Variants in KIF1A observed in about 807,000 individuals in gnomAD.
KIF1A encodes kinesin family member 1A.
In KIF1A, 46 loss-of-function variants were observed where a neutral mutation model predicts 227.3. The observed-to-expected ratio is 0.20, with a 90% CI of 0.16 to 0.26. The LOEUF (loss-of-function observed/expected upper bound fraction) is 0.26. Among genes scored for constraint, KIF1A ranks in the 10% least tolerant of loss-of-function variants. The pLI is 1.00. For synonymous variants in KIF1A, 1,022 were observed against 1,012.8 expected, an observed-to-expected ratio of 1.01 and a Z score of -0.17; for missense variants, 1,683 against 2,485.9, an observed-to-expected ratio of 0.68 and a Z score of 6.87.
rs60462300 is a variant in KIF1A at position 240,778,511 on chromosome 2, T to TACACACACACACACAC, written c.883-2601_883-2586dup. Among the ~76,000 whole-genome samples, 6,386 of 134,030 alleles carry TACACACACACACACAC rather than the reference T, an allele frequency of 0.048. 214 individuals carry two copies. The highest frequency in any genetic ancestry group is 0.084 in the Middle Eastern group (22 of 262). The allele number at this position is 134,030 out of a possible 152,430, so 87.9% of individuals were successfully genotyped here. A position where few individuals can be genotyped will look rare whatever the true frequency, so the allele number is the denominator to read the frequency against. On this transcript the variant is annotated intron_variant, in intron 10 of 48. Coordinates refer to ENST00000498729, the MANE Select transcript of KIF1A (RefSeq NM_001244008.2). This position sits in a 1 kb window ranked among gnomAD's most constrained non-coding sequence, Gnocchi z 7.2. ...GGCGCTCGCAGCTCCCGCACAGCGT[T>TACACACACACACACAC]ACACACACACACACACACACACACA...
In KIF1A at chr2:240,773,243, C is replaced by T; in HGVS notation, c.1051G>A (p.Ala351Thr). 6.2e-7 allele frequency: 1 copy of T among 1,613,912 alleles called. No homozygotes were observed. Among genetic ancestry groups the T allele is most frequent in the Non-Finnish European group, 8.5e-7 (1 of 1,179,830 alleles). The change falls in exon 13 of 49, where the codon GCC (alanine) becomes ACC (threonine). Residue 351 changes from alanine to threonine, a missense_variant. Coordinates refer to ENST00000498729, the MANE Select transcript of KIF1A (RefSeq NM_001244008.2). ...ACAGCATTGCAGCGGATCTGCTTGG[C>T]CCGGTCAGCATACCTGGGTGGCAGA... ...TLSTLRYADR[A>T]KQIRCNAVIN...
intron 1 of KIF1A, among the ~76,000 whole-genome samples, chr2:240,812,438 C>T (rs570646372): frequency 7.2e-5 from 11 of 152,348 alleles, no homozygotes; most frequent in East Asian, 3.9e-4. Flanking sequence ...GGAGCCCAGA[C>T]GCCCTTCACC....
intron 5 of KIF1A, 35 bp from the exon 6 acceptor site, chr2:240,786,548 A>G: frequency 6.3e-7 from 1 of 1,598,506 alleles, no homozygotes; most frequent in South Asian, 1.1e-5. Flanking sequence ...GGGGCCCCTG[A>G]GGCGAGGGAG....
In KIF1A at chr2:240,766,749, T is replaced by TCTCACACACACACACACACACACACACA. The variant is rs1454271542; in HGVS notation, c.1684+165_1684+166insTGTGTGTGTGTGTGTGTGTGTGTGTGAG. ...CTCTCTCTCTCTCTCTCTCTCTCTCTCACACACACACACACACACACACAC... is the reference window on the plus strand; with the variant it reads ...CTCTCTCTCTCTCTCTCTCTCTCTCTCTCACACACACACACACACACACACACACACACACACACACACACACACACAC... On this transcript the variant is annotated intron_variant, in intron 19 of 48. Coordinates refer to ENST00000498729, the MANE Select transcript of KIF1A (RefSeq NM_001244008.2). This position sits in a 1 kb window ranked among gnomAD's most constrained non-coding sequence, Gnocchi z 5.0. 5.5e-5 allele frequency among the ~76,000 whole-genome samples: 6 copies of TCTCACACACACACACACACACACACACA among 109,022 alleles called. No homozygotes were observed. Among genetic ancestry groups the TCTCACACACACACACACACACACACACA allele is most frequent in the African/African-American group, 2.5e-4 (6 of 24,164 alleles). 71.5% of individuals were successfully genotyped at this position (109,022 alleles called of 152,430 possible). A position where few individuals can be genotyped will look rare whatever the true frequency, so the allele number is the denominator to read the frequency against.
Position 240,788,084 on chromosome 2 carries a change from C to T in KIF1A, c.330G>A (p.Lys110=). The T allele has an allele frequency of 6.3e-7, 1 of 1,586,906 alleles. No individual in the cohort carries two copies. The highest frequency in any genetic ancestry group is 8.6e-7 in the Non-Finnish European group (1 of 1,166,674). ...TGATGCCCTGCTGGTCCTTCTCCTG[C>T]TTGCCCATCATGGTGTAGGACTTGC... is the stretch of plus-strand genomic sequence containing the variant. ...GAGKSYTMMG[K]QEKDQQGIIP... is the part of the protein sequence containing the mutation. Residue 110 remains lysine, a synonymous_variant, in exon 4 of 49, where the codon AAG becomes AAA. Coordinates refer to ENST00000498729, the MANE Select transcript of KIF1A (RefSeq NM_001244008.2). The surrounding 1 kb of genome is among the most constrained non-coding windows in gnomAD (Gnocchi z 6.6).
chr2:240,757,615 CAG>C lies in KIF1A; in HGVS notation c.2583-23_2583-22del. ...CTGAACTGAGGTTAGTGCGACAAGA[CAG>C]AGAGAAGTTAACACCAGCGACTCGC... On this transcript the variant is annotated intron_variant, in intron 26 of 48. Coordinates refer to ENST00000498729, the MANE Select transcript of KIF1A (RefSeq NM_001244008.2). This position sits in a 1 kb window ranked among gnomAD's most constrained non-coding sequence, Gnocchi z 6.2. 12 of 1,547,438 alleles carry C rather than the reference CAG, an allele frequency of 7.8e-6. No individual in the cohort carries two copies. Among genetic ancestry groups the C allele is most frequent in the Non-Finnish European group, 1.0e-5 (12 of 1,145,418 alleles).
chr2:240,811,587 A>G lies in KIF1A; in HGVS notation c.-61+8535T>C, dbSNP rs376654667. 7.1e-3 allele frequency among the ~76,000 whole-genome samples: 1,086 copies of G among 152,264 alleles called. 6 individuals carry two copies. Among genetic ancestry groups the G allele is most frequent in the Non-Finnish European group, 0.011 (731 of 68,018 alleles). On this transcript the variant is annotated intron_variant, in intron 1 of 48. Coordinates refer to ENST00000498729, the MANE Select transcript of KIF1A (RefSeq NM_001244008.2). ...CCAGACACAGCACATGCCAGAGCCC[A>G]GGAGAAAGGGTGAGCTCCCCTCAAA...
At chr2:240,787,986 C>T (rs116231877) in intron 4 of KIF1A, 65 bp downstream of exon 4, 3 of 1,464,004 alleles carry the variant, frequency 2.0e-6, no homozygotes, top group Admixed American at 2.0e-5. Flanking sequence ...TGGCCCGGAG[C>T]TCTCAGCCTC....
chr2:240,763,471 C>A, intron 20 of KIF1A, 125 bp from the exon 21 acceptor site: 1 of 896,104 alleles, frequency 1.1e-6, no homozygotes. Context: ...CAGCTCCCAG[C>A]CACTCCTTCT....
At chr2:240,791,965 G>A (rs1437137586) in intron 2 of KIF1A, among the ~76,000 whole-genome samples, 8 of 138,530 alleles carry the variant, frequency 5.8e-5, no homozygotes, top group South Asian at 2.5e-4. Flanking sequence ...CTACCCTGCC[G>A]GCAACCCCAC....
intron 46 of KIF1A, 118 bp downstream of exon 46, chr2:240,719,656 C>T (rs1198443109): frequency 1.3e-5 from 16 of 1,222,624 alleles, no homozygotes; most frequent in South Asian, 1.6e-5. Flanking sequence ...ATCAGGCAAC[C>T]TGTCTGTCTC....
In KIF1A at chr2:240,741,349, C is replaced by T. The variant is rs371491091; in HGVS notation, c.3669G>A (p.Thr1223=). Residue 1223 remains threonine, a synonymous_variant, in exon 35 of 49, where the codon ACG becomes ACA. Transcript: ENST00000498729. ...AGTGGCAGGGTCCCGGACAGGGCCG[C>T]GTCAGTGTGCTGAGCTTGGTGGCGG... ...PVPATKLSTL[T]RPCPGPCHCK... 1.6e-4 allele frequency: 256 copies of T among 1,586,544 alleles called. No individual in the cohort carries two copies. Among genetic ancestry groups the T allele is most frequent in the Non-Finnish European group, 1.9e-4 (227 of 1,170,644 alleles).
Position 240,715,578 on chromosome 2 carries a change from C to G in KIF1A, c.*1786G>C, listed in dbSNP as rs901680361. On this transcript the variant is annotated 3_prime_UTR_variant, in exon 49 of 49. Coordinates refer to ENST00000498729, the MANE Select transcript of KIF1A (RefSeq NM_001244008.2). ...AGCATGGGCCCTGGCCTGCCCTGCA[C>G]ACCACTCTCGGAGATGGAACTTCAG... The G allele has an allele frequency of 6.6e-6, 1 of 152,416 alleles. No individual in the cohort carries two copies. The highest frequency in any genetic ancestry group is 2.4e-5 in the African/African-American group (1 of 41,454). 9.4% of individuals were successfully genotyped at this position (152,416 alleles called of 1,614,324 possible). A position where few individuals can be genotyped will look rare whatever the true frequency, so the allele number is the denominator to read the frequency against.
chr2:240,746,278 G>C (rs1466642536), intron 29 of KIF1A, 101 bp from the exon 30 acceptor site: 1 of 1,423,562 alleles, frequency 7.0e-7, no homozygotes, highest in Non-Finnish European at 9.5e-7. Context: ...GCCACCCAGA[G>C]CCTGGGCTGG....
In KIF1A at chr2:240,739,938, C is replaced by T. The variant is rs2047756889; in HGVS notation, c.3901+120G>A. The T allele has an allele frequency of 1.4e-6, 1 of 735,830 alleles. No individual in the cohort carries two copies. Among genetic ancestry groups the T allele is most frequent in the Admixed American group, 2.2e-5 (1 of 46,142 alleles). 45.6% of individuals were successfully genotyped at this position (735,830 alleles called of 1,614,324 possible). ...GTCACAGAGAGATTATGTGACCCGGCCAGGGTCACGCAGCAACAGACGCAG... is the reference window on the plus strand; with the variant it reads ...GTCACAGAGAGATTATGTGACCCGGTCAGGGTCACGCAGCAACAGACGCAG... On this transcript the variant is annotated intron_variant, in intron 37 of 48. Coordinates refer to ENST00000498729, the MANE Select transcript of KIF1A (RefSeq NM_001244008.2). The surrounding 1 kb of genome is among the most constrained non-coding windows in gnomAD (Gnocchi z 5.6).
chr2:240,780,844 AGCTCCACACACACACACACAGCTC>A (rs1559522625), intron 10 of KIF1A, among the ~76,000 whole-genome samples: 1 of 51,822 alleles, frequency 1.9e-5, no homozygotes, highest in Non-Finnish European at 3.5e-5. Flanking sequence ...ACACACACAC[AGCTCCACACACACACACACAGCTC>A]CACACACACA....
At position 240,750,569 on chromosome 2, in the gene KIF1A, G is replaced by A. The variant is rs766410624; in HGVS notation, c.2859-22C>T. 34 of 1,553,310 alleles carry A rather than the reference G, an allele frequency of 2.2e-5. 2 individuals are homozygous for A. The South Asian group carries it at 2.6e-4, about 12-fold the overall frequency. On this transcript the variant is annotated intron_variant, in intron 27 of 48. Coordinates refer to ENST00000498729, the MANE Select transcript of KIF1A (RefSeq NM_001244008.2). ...GGCCCTGGGGAGAAGCAGAGGCGGC[G>A]GTCATGGGCCACCCCTCCACGCATG...
chr2:240,821,271 G>A (rs1026429239), upstream of KIF1A, among the ~76,000 whole-genome samples: 9 of 152,230 alleles, frequency 5.9e-5, no homozygotes, highest in Non-Finnish European at 5.9e-5. Flanking sequence ...CGCCCAGCAG[G>A]GGCCTGCGCT....
chr2:240,808,078 T>A (rs11687368), intron 1 of KIF1A, among the ~76,000 whole-genome samples: 94,965 of 152,106 alleles, frequency 0.62, 30,341 homozygotes, highest in South Asian at 0.78. Context: ...ATTTCCTTTA[T>A]ATTCAGAAAC....
Sources: gnomAD v4.1 joint callset for allele counts (sites outside exome capture counted in the v4.1 genomes callset) on GRCh38, gnomAD v4.1.1 for gene constraint, Gnocchi (gnomAD v3.1) non-coding constraint, MANE v1.5 for transcripts, NCBI Gene and HGNC (gene_info 2026-07-23, HGNC 2026-07-21) for gene names.